GAP43: variants seen among roughly 807,000 people sequenced by gnomAD.
GAP43 encodes the protein growth associated protein 43.
GAP43 carries 6 observed loss-of-function variants against 18.6 expected under a neutral mutation model. That is an observed-to-expected ratio of 0.32 (90% CI 0.18 to 0.64). GAP43 has a LOEUF of 0.64. GAP43 is among the 30% of genes least tolerant of loss of function. The probability of loss-of-function intolerance (pLI) is 0.78; values close to 1 mark genes in which losing one functional copy is unlikely to be tolerated. For missense variants in GAP43, 292 were observed against 295.5 expected, an observed-to-expected ratio of 0.99 and a Z score of 0.09; for synonymous variants, 115 against 111.4, an observed-to-expected ratio of 1.03 and a Z score of -0.20.
chr3:115,694,970 T>C (rs1173247139), intron 2 of GAP43, among the ~76,000 whole-genome samples: 1 of 152,214 alleles, frequency 6.6e-6, no homozygotes, highest in Admixed American at 6.5e-5. Context: ...CGACTTTTTA[T>C]TGTAGTGCAG....
chr3:115,683,525 C>G (rs1253022443), intron 2 of GAP43, among the ~76,000 whole-genome samples: 1 of 152,164 alleles, frequency 6.6e-6, no homozygotes, highest in African/African-American at 2.4e-5. Flanking sequence ...ATCCTCCTAA[C>G]CCTGTCTCTG....
At chr3:115,672,008 G>C (rs766472929) in intron 1 of GAP43, among the ~76,000 whole-genome samples, 24 of 152,208 alleles carry the variant, frequency 1.6e-4, no homozygotes, top group Non-Finnish European at 2.8e-4. Flanking sequence ...CATTTGTATA[G>C]TGCTTAACAT....
intron 1 of GAP43, among the ~76,000 whole-genome samples, chr3:115,663,264 C>G (rs1708688380): frequency 6.6e-6 from 1 of 152,176 alleles, no homozygotes; most frequent in Non-Finnish European, 1.5e-5. Flanking sequence ...ATAGTTGGTT[C>G]AAGTAAAAAG....
chr3:115,672,757 T>TCCTCTCCTCC (rs1553722602), intron 1 of GAP43, among the ~76,000 whole-genome samples: 33 of 149,870 alleles, frequency 2.2e-4, no homozygotes, highest in African/African-American at 8.1e-4. Context: ...TCCTCTCCTC[T>TCCTCTCCTCC]CCTCTCCTCT....
At chr3:115,670,433 C>T (rs1486046930) in intron 1 of GAP43, among the ~76,000 whole-genome samples, 1 of 152,070 alleles carries the variant, frequency 6.6e-6, no homozygotes, top group Non-Finnish European at 1.5e-5. Context: ...ACACTTTCTT[C>T]CTTACACCTG....
At position 115,690,734 on chromosome 3, in the gene GAP43, CT is replaced by C. The variant is rs764462426; in HGVS notation, c.628+14138del. 2.6e-3 allele frequency among the ~76,000 whole-genome samples: 336 copies of C among 131,394 alleles called. 3 individuals carry two copies. The highest frequency in any genetic ancestry group is 5.6e-3 in the East Asian group (26 of 4,650). The allele number at this position is 131,394 out of a possible 152,430, so 86.2% of individuals were successfully genotyped here. A position where few individuals can be genotyped will look rare whatever the true frequency, so the allele number is the denominator to read the frequency against. On this transcript the variant is annotated intron_variant, in intron 2 of 2. Coordinates refer to ENST00000305124, the MANE Select transcript of GAP43 (RefSeq NM_002045.4). The stretch of plus-strand genomic sequence containing the variant: ...CCATATGAAGATCCTCTGGGCAAAT[CT>C]TTTTTTTTTTTTTCTTTCTTTCTTT...
rs527804990 is a variant in GAP43 at position 115,711,516 on chromosome 3, C to A, written c.629-9278C>A. Among the ~76,000 whole-genome samples, 151 of 150,532 alleles carry A rather than the reference C, an allele frequency of 1.0e-3. 1 individual carries two copies. Among genetic ancestry groups the A allele is most frequent in the African/African-American group, 3.4e-3 (140 of 41,200 alleles). On this transcript the variant is annotated intron_variant, in intron 2 of 2. Transcript: ENST00000305124. ...AAATACACACACACACACACACCCC[C>A]CTACAGAAAGGAGGAAAACAAAAAT...
intron 1 of GAP43, 57 bp from the exon 2 acceptor site, chr3:115,675,956 T>C: frequency 6.5e-7 from 1 of 1,536,208 alleles, no homozygotes; most frequent in Non-Finnish European, 8.7e-7. Context: ...AATGCTGAGA[T>C]TTAAAGGAGA....
chr3:115,675,936 A>G lies in GAP43; in HGVS notation c.31-77A>G, dbSNP rs532432089. The G allele has an allele frequency of 7.2e-6, 11 of 1,522,576 alleles. No individual in the cohort carries two copies. The East Asian group carries it at 1.8e-4, about 25-fold the overall frequency. 94.3% of individuals were successfully genotyped at this position (1,522,576 alleles called of 1,614,324 possible). A position where few individuals can be genotyped will look rare whatever the true frequency, so the allele number is the denominator to read the frequency against. ...TGGCACAAAATAAATCACTTAATAAATACTTGTTGAATGCTGAGATTTAAA... is the reference window on the plus strand; with the variant it reads ...TGGCACAAAATAAATCACTTAATAAGTACTTGTTGAATGCTGAGATTTAAA... On this transcript the variant is annotated intron_variant, in intron 1 of 2. Transcript: ENST00000305124.
intron 2 of GAP43, among the ~76,000 whole-genome samples, chr3:115,692,215 C>T (rs1039099913): frequency 5.3e-5 from 8 of 152,136 alleles, no homozygotes; most frequent in Non-Finnish European, 8.8e-5. Context: ...TTTTAATGAA[C>T]GATGAAGCAT....
chr3:115,681,355 C>G (rs775800159), intron 2 of GAP43, among the ~76,000 whole-genome samples: 9 of 152,094 alleles, frequency 5.9e-5, no homozygotes, highest in Non-Finnish European at 1.2e-4. Flanking sequence ...TAACTGTAGC[C>G]CTACAGTTCT....
chr3:115,683,263 A>G (rs900257879), intron 2 of GAP43, among the ~76,000 whole-genome samples: 2 of 151,238 alleles, frequency 1.3e-5, no homozygotes, highest in African/African-American at 4.9e-5. Flanking sequence ...AACCATCCTC[A>G]CTTTTCCATA....
intron 1 of GAP43, among the ~76,000 whole-genome samples, chr3:115,667,419 C>T (rs1708747464): frequency 6.6e-6 from 1 of 152,150 alleles, no homozygotes; most frequent in South Asian, 2.1e-4. Context: ...CTGACTCAGA[C>T]TGTAACTTAT....
At position 115,644,003 on chromosome 3, in the gene GAP43, G is replaced by C. The variant is rs1708429366; in HGVS notation, c.30+20284G>C. Among the ~76,000 whole-genome samples, 1 of 151,990 alleles carries C rather than the reference G, an allele frequency of 6.6e-6. No individual in the cohort carries two copies. The highest frequency in any genetic ancestry group is 2.1e-4 in the South Asian group (1 of 4,830). On this transcript the variant is annotated intron_variant, in intron 1 of 2. Transcript: ENST00000305124. This position sits in a 1 kb window ranked among gnomAD's most constrained non-coding sequence, Gnocchi z 4.2. ...TTCCACCTGCCTCCACTTCCTTCCT[G>C]ATTGCTTTTCCTTAATCTGAACCAG... is the stretch of plus-strand genomic sequence containing the variant.
At chr3:115,698,082 AAATAT>A (rs1709227267) in intron 2 of GAP43, among the ~76,000 whole-genome samples, 1 of 63,800 alleles carries the variant, frequency 1.6e-5, no homozygotes, top group African/African-American at 7.4e-5. Context: ...ATAATATATA[AAATAT>A]GTATTATATA....
chr3:115,686,369 A>G (rs1576994049), intron 2 of GAP43, among the ~76,000 whole-genome samples: 1 of 152,220 alleles, frequency 6.6e-6, no homozygotes, highest in Non-Finnish European at 1.5e-5. Flanking sequence ...TGAGCATTGT[A>G]CACTTGCTAA....
chr3:115,711,227 C>T (rs1709433308), intron 2 of GAP43, among the ~76,000 whole-genome samples: 1 of 152,118 alleles, frequency 6.6e-6, no homozygotes, highest in Non-Finnish European at 1.5e-5. Flanking sequence ...TCTTCACGGT[C>T]ATATGTGTGT....
intron 1 of GAP43, among the ~76,000 whole-genome samples, chr3:115,640,611 A>C (rs1026183393): frequency 1.3e-5 from 2 of 152,078 alleles, no homozygotes; most frequent in Non-Finnish European, 2.9e-5. Flanking sequence ...GTGTCAGTCC[A>C]CTGTAAATTC....
chr3:115,711,812 T>G (rs1177718030), intron 2 of GAP43, among the ~76,000 whole-genome samples: 2 of 33,314 alleles, frequency 6.0e-5, no homozygotes, highest in Non-Finnish European at 1.7e-4. Flanking sequence ...TTTGACTGTT[T>G]GTTATACTAA....
Sources: gnomAD v4.1 joint callset for allele counts (sites outside exome capture counted in the v4.1 genomes callset) on GRCh38, gnomAD v4.1.1 for gene constraint, Gnocchi (gnomAD v3.1) non-coding constraint, MANE v1.5 for transcripts, NCBI Gene and HGNC (gene_info 2026-07-23, HGNC 2026-07-21) for gene names.